Variants in ZNF175 observed in about 807,000 individuals in gnomAD.
The protein encoded by ZNF175 is zinc finger protein OTK18.
Under a neutral mutation model 14.0 loss-of-function variants are expected in ZNF175, and 8 were observed. The ratio of observed to expected loss-of-function variants is 0.57; its 90% CI spans 0.34 to 1.03. The LOEUF (loss-of-function observed/expected upper bound fraction) is 1.03, where lower values mean the gene tolerates loss of function less well. ZNF175 is among the 50% of genes least tolerant of loss of function. The pLI is 0.03. For missense variants in ZNF175, 764 were observed against 849.5 expected, an observed-to-expected ratio of 0.90 and a Z score of 1.25; for synonymous variants, 255 against 296.8, an observed-to-expected ratio of 0.86 and a Z score of 1.45.
chr19:51,592,095 CATGTG>C lies in ZNF175; in HGVS notation c.*3636_*3640del, dbSNP rs1206299641. On this transcript the variant is annotated 3_prime_UTR_variant, in exon 5 of 5. Coordinates refer to ENST00000262259, the MANE Select transcript of ZNF175 (RefSeq NM_007147.4). ...GGTGAAATGAAGAATGTCCTACTGTCATGTGATGTGATCAGAAAACATACTGCCCA... is the reference window on the plus strand; with the variant it reads ...GGTGAAATGAAGAATGTCCTACTGTCATGTGATCAGAAAACATACTGCCCA... 1 of 153,918 alleles carries C rather than the reference CATGTG, an allele frequency of 6.5e-6. No individual in the cohort carries two copies. Among genetic ancestry groups the C allele is most frequent in the Non-Finnish European group, 1.4e-5 (1 of 69,534 alleles). The allele number at this position is 153,918 out of a possible 1,614,324, so 9.5% of individuals were successfully genotyped here.
chr19:51,574,423 C>T (rs1460526619), intron 2 of ZNF175, among the ~76,000 whole-genome samples: 1 of 152,194 alleles, frequency 6.6e-6, no homozygotes, highest in African/African-American at 2.4e-5. Context: ...CACAGTGGCT[C>T]ATGCACTTTG....
intron 4 of ZNF175, among the ~76,000 whole-genome samples, chr19:51,584,216 A>T (rs1172196445): frequency 6.6e-6 from 1 of 152,232 alleles, no homozygotes; most frequent in East Asian, 1.9e-4. Flanking sequence ...GGTGAAGTTC[A>T]GAAAAATGAT....
chr19:51,587,015 G>A lies in ZNF175; in HGVS notation c.684G>A (p.Gly228=). 1.2e-6 allele frequency: 2 copies of A among 1,614,206 alleles called. No homozygotes were observed. Among genetic ancestry groups the A allele is most frequent in the Non-Finnish European group, 8.5e-7 (1 of 1,180,012 alleles). ...CAGAACAGCTTGATGACGTTGTTGG[G>A]TCTGGTCAGCTATTCAGCCATAGCT... The part of the protein sequence containing the change: ...NDTEQLDDVV[G]SGQLFSHSSS... The change falls in exon 5 of 5, where the codon GGG becomes GGA. Residue 228 remains glycine, a synonymous_variant. Transcript: ENST00000262259.
At chr19:51,578,635 G>A (rs2122565338) in intron 2 of ZNF175, among the ~76,000 whole-genome samples, 1 of 152,266 alleles carries the variant, frequency 6.6e-6, no homozygotes, top group South Asian at 2.1e-4. Flanking sequence ...AGGTGTGGTG[G>A]TGTGTGCCTG....
In ZNF175 at chr19:51,591,765, C is replaced by CT. The variant is rs386389213; in HGVS notation, c.*3312dup. ...TTGTACTACTTTACCTCCTCATGAC[C>CT]TTTTTTTTTTTTTTCTTGTGAGATG... is the stretch of plus-strand genomic sequence containing the variant. On this transcript the variant is annotated 3_prime_UTR_variant, in exon 5 of 5. Transcript: ENST00000262259. The CT allele has an allele frequency of 0.068, 9,790 of 144,260 alleles. 538 individuals are homozygous for CT. Among genetic ancestry groups the CT allele is most frequent in the Admixed American group, 0.15 (2,089 of 14,312 alleles). 8.9% of individuals were successfully genotyped at this position (144,260 alleles called of 1,614,324 possible).
rs954434117 is a variant in ZNF175 at position 51,589,974 on chromosome 19, C to T, written c.*1507C>T. On this transcript the variant is annotated 3_prime_UTR_variant, in exon 5 of 5. Coordinates refer to ENST00000262259, the MANE Select transcript of ZNF175 (RefSeq NM_007147.4). Reference sequence around the variant, plus strand: ...TGATTTATAAAACTCAGATCTCTTACGTGTGTGGATGGTATTTTTTTCATT... The same window carrying T: ...TGATTTATAAAACTCAGATCTCTTATGTGTGTGGATGGTATTTTTTTCATT... 6.2e-5 allele frequency: 13 copies of T among 208,622 alleles called. No homozygotes were observed. Among genetic ancestry groups the T allele is most frequent in the African/African-American group, 2.5e-4 (11 of 43,382 alleles). 12.9% of individuals were successfully genotyped at this position (208,622 alleles called of 1,614,324 possible).
At position 51,584,068 on chromosome 19, in the gene ZNF175, G is replaced by A. The variant is rs563129597; in HGVS notation, c.295+2186G>A. On this transcript the variant is annotated intron_variant, in intron 4 of 4. Coordinates refer to ENST00000262259, the MANE Select transcript of ZNF175 (RefSeq NM_007147.4). ...TTTGCTGAGATAAATTCAAAAGAAC[G>A]GAGATTGTATTTGGATGGAGAGGAC... is the stretch of plus-strand genomic sequence containing the variant. 5.9e-5 allele frequency among the ~76,000 whole-genome samples: 9 copies of A among 152,284 alleles called. No homozygotes were observed. In the East Asian group the frequency reaches 9.6e-4, roughly 16 times the overall value.
chr19:51,580,048 TG>T (rs537181581), intron 2 of ZNF175, among the ~76,000 whole-genome samples: 168 of 152,224 alleles, frequency 1.1e-3, no homozygotes, highest in African/African-American at 3.7e-3. Flanking sequence ...GATAATGTTT[TG>T]AATATAATGG....
rs1982019653 is a variant in ZNF175 at position 51,581,891 on chromosome 19, G to T, written c.295+9G>T. On this transcript the variant is annotated intron_variant, in intron 4 of 4. Transcript: ENST00000262259. Reference sequence around the variant, plus strand: ...ACATCAGAGGTGTCAAGGTGAGTAAGTTGTACCCGGGCAAATGTAGATATC... The same window carrying T: ...ACATCAGAGGTGTCAAGGTGAGTAATTTGTACCCGGGCAAATGTAGATATC... 6.2e-7 allele frequency: 1 copy of T among 1,611,426 alleles called. No individual in the cohort carries two copies. The highest frequency in any genetic ancestry group is 8.5e-7 in the Non-Finnish European group (1 of 1,178,240).
rs946399517 is a variant in ZNF175 at position 51,588,002 on chromosome 19, G to A, written c.1671G>A (p.Lys557=). The A allele has an allele frequency of 9.9e-6, 16 of 1,613,504 alleles. No individual in the cohort carries two copies. In the African/African-American group the frequency reaches 1.6e-4, roughly 16 times the overall value. Residue 557 remains lysine (K), a synonymous_variant, in exon 5 of 5, where the codon AAG becomes AAA. Transcript: ENST00000262259. The part of the protein sequence containing the change: ...SMHQRIHTGE[K]PYKCSECGKA... ...ATCAGAGAATTCACACCGGAGAGAA[G>A]CCTTACAAATGCAGTGAATGTGGGA...
rs1279680199 is a variant in ZNF175 at position 51,587,450 on chromosome 19, C to T, written c.1119C>T (p.Phe373=). 1.2e-6 allele frequency: 2 copies of T among 1,614,062 alleles called. No homozygotes were observed. The highest frequency in any genetic ancestry group is 1.3e-5 in the African/African-American group (1 of 74,918). Residue 373 remains phenylalanine (F), a synonymous_variant, in exon 5 of 5, where the codon TTC becomes TTT. Transcript: ENST00000262259. ...YKCHDCGKAF[F]QMLSLFRHQR... Reference sequence around the variant, plus strand: ...GCCATGACTGTGGAAAAGCCTTTTTCCAGATGTTATCTCTCTTCAGACATC... The same window carrying T: ...GCCATGACTGTGGAAAAGCCTTTTTTCAGATGTTATCTCTCTTCAGACATC...
Position 51,588,417 on chromosome 19 carries a change from G to A in ZNF175, c.2086G>A (p.Asp696Asn). ...FNKHQTTHTR[D>N]KSYKCSYSVK... ...TAAACACCAAACAACTCATACCAGA[G>A]ACAAATCTTACAAATGCAGTTATTC... The change falls in exon 5 of 5, where the codon GAC becomes AAC. Residue 696 changes from aspartate (D) to asparagine (N), a missense_variant. Asp to Asn is a conservative substitution (Grantham distance 23). Transcript: ENST00000262259. 1 of 1,594,720 alleles carries A rather than the reference G, an allele frequency of 6.3e-7. No homozygotes were observed. Among genetic ancestry groups the A allele is most frequent in the South Asian group, 1.1e-5 (1 of 87,630 alleles).
In ZNF175 at chr19:51,592,299, A is replaced by G. The variant is rs1315525302; in HGVS notation, c.*3832A>G. The G allele has an allele frequency of 4.1e-6, 1 of 245,154 alleles. No individual in the cohort carries two copies. Among genetic ancestry groups the G allele is most frequent in the Non-Finnish European group, 7.8e-6 (1 of 128,780 alleles). 15.2% of individuals were successfully genotyped at this position (245,154 alleles called of 1,614,324 possible). ...CGCTAGTTTGGTGGCAAGCAACTTAACCTCTCTGCCTTAATTTCTCCAGCA... is the reference window on the plus strand; with the variant it reads ...CGCTAGTTTGGTGGCAAGCAACTTAGCCTCTCTGCCTTAATTTCTCCAGCA... On this transcript the variant is annotated 3_prime_UTR_variant, in exon 5 of 5. Coordinates refer to ENST00000262259, the MANE Select transcript of ZNF175 (RefSeq NM_007147.4).
intron 2 of ZNF175, among the ~76,000 whole-genome samples, chr19:51,575,136 T>C (rs1456681236): frequency 6.6e-6 from 1 of 151,822 alleles, no homozygotes; most frequent in African/African-American, 2.4e-5. Flanking sequence ...CAATTACTTG[T>C]CTTTAGTGAG....
chr19:51,580,197 C>T (rs1333490934), intron 2 of ZNF175, among the ~76,000 whole-genome samples: 4 of 152,150 alleles, frequency 2.6e-5, no homozygotes, highest in Non-Finnish European at 5.9e-5. Flanking sequence ...GAGGCTTGAT[C>T]AGAGTCCACT....
intron 4 of ZNF175, among the ~76,000 whole-genome samples, chr19:51,585,711 C>G (rs1321503471): frequency 6.6e-6 from 1 of 151,890 alleles, no homozygotes; most frequent in Non-Finnish European, 1.5e-5. Context: ...GTGCAGTATA[C>G]TAGTAAAGTG....
intron 4 of ZNF175, among the ~76,000 whole-genome samples, chr19:51,584,690 A>G (rs1308598382): frequency 1.3e-5 from 2 of 152,202 alleles, no homozygotes; most frequent in South Asian, 2.1e-4. Flanking sequence ...GTGAATAGAC[A>G]TGTCTTCAAA....
At position 51,587,082 on chromosome 19, in the gene ZNF175, T is replaced by C; in HGVS notation, c.751T>C (p.Phe251Leu). Residue 251 changes from phenylalanine (F) to leucine (L), a missense_variant, in exon 5 of 5, where the codon TTT becomes CTT. Phe to Leu is a conservative substitution (Grantham distance 22, BLOSUM62 0). Coordinates refer to ENST00000262259, the MANE Select transcript of ZNF175 (RefSeq NM_007147.4). ...CAAGAATATTCATACAGGAGAGACA[T>C]TTTGCAAAGGTAACCAGTGTAGAAA... is the stretch of plus-strand genomic sequence containing the variant. ...CSKNIHTGET[F>L]CKGNQCRKVC... 6.2e-7 allele frequency: 1 copy of C among 1,614,126 alleles called. No individual in the cohort carries two copies. Among genetic ancestry groups the C allele is most frequent in the Non-Finnish European group, 8.5e-7 (1 of 1,180,004 alleles).
chr19:51,583,135 G>A (rs1386600860), intron 4 of ZNF175, among the ~76,000 whole-genome samples: 2 of 152,116 alleles, frequency 1.3e-5, no homozygotes, highest in Non-Finnish European at 2.9e-5. Flanking sequence ...GATTACAGGC[G>A]TGAGCCACCG....
Sources: gnomAD v4.1 joint callset for allele counts (sites outside exome capture counted in the v4.1 genomes callset) on GRCh38, gnomAD v4.1.1 for gene constraint, MANE v1.5 for transcripts, NCBI Gene and HGNC (gene_info 2026-07-23, HGNC 2026-07-21) for gene names.